GALNT13: variants seen among roughly 807,000 people sequenced by gnomAD.
GALNT13 encodes the protein UDP-GalNAc:polypeptide N-acetylgalactosaminyltransferase 13.
GALNT13 carries 28 observed loss-of-function variants against 64.2 expected under a neutral mutation model. The observed-to-expected ratio is 0.44, with a 90% CI of 0.32 to 0.60. GALNT13 has a LOEUF of 0.60. Ranked by LOEUF, GALNT13 falls within the 20% of genes least tolerant of loss-of-function variation. GALNT13 has a pLI of 0.05. For missense variants in GALNT13, 577 were observed against 669.8 expected (o/e 0.86, Z 1.53); for synonymous variants, 214 against 224.6 (o/e 0.95, Z 0.42).
At chr2:153,409,391 T>C in the GALNT13 span, among the ~76,000 whole-genome samples, 1 of 150,712 alleles carries the variant, frequency 6.6e-6, no homozygotes, top group Non-Finnish European at 1.5e-5. Context: ...TATATATATA[T>C]CTCCTAGTAG....
At chr2:154,172,339 C>A (rs1220107117) in intron 4 of GALNT13, among the ~76,000 whole-genome samples, 5 of 151,872 alleles carry the variant, frequency 3.3e-5, no homozygotes. Flanking sequence ...ATCTACTATA[C>A]ATTATTTTAA....
chr2:153,261,067 C>G, the GALNT13 span, among the ~76,000 whole-genome samples: 27 of 151,898 alleles, frequency 1.8e-4, no homozygotes, highest in African/African-American at 6.3e-4. Context: ...ATTTTTATTT[C>G]TTTGTGAAAT....
chr2:153,094,063 T>G, the GALNT13 span, among the ~76,000 whole-genome samples: 1 of 152,142 alleles, frequency 6.6e-6, no homozygotes, highest in Non-Finnish European at 1.5e-5. Flanking sequence ...TTGGATCATC[T>G]CTCTCTGTTT....
the GALNT13 span, among the ~76,000 whole-genome samples, chr2:153,440,359 AT>A: frequency 1.3e-5 from 2 of 152,116 alleles, no homozygotes; most frequent in East Asian, 1.9e-4. Context: ...ATTGGTGGGC[AT>A]TTGGGTTGGT....
At chr2:153,670,370 C>G in the GALNT13 span, among the ~76,000 whole-genome samples, 5 of 152,308 alleles carry the variant, frequency 3.3e-5, no homozygotes, top group African/African-American at 1.2e-4. Flanking sequence ...GCAATATTAG[C>G]TGTTCTGCAG....
chr2:153,762,433 T>C, the GALNT13 span: 1 of 152,636 alleles, frequency 6.6e-6, no homozygotes, highest in Non-Finnish European at 1.5e-5. Flanking sequence ...TCAGCCCTCT[T>C]ATTTACCTGT....
At chr2:154,194,267 T>C (rs1352304982) in intron 4 of GALNT13, among the ~76,000 whole-genome samples, 1 of 152,208 alleles carries the variant, frequency 6.6e-6, no homozygotes, top group East Asian at 1.9e-4. Flanking sequence ...AATCATATAC[T>C]AACACTGACC....
chr2:153,556,130 G>T, the GALNT13 span, among the ~76,000 whole-genome samples: 6 of 151,976 alleles, frequency 3.9e-5, no homozygotes, highest in East Asian at 1.2e-3. Flanking sequence ...TTCATAGATG[G>T]TGATGCTTGA....
chr2:153,162,234 G>A, the GALNT13 span, among the ~76,000 whole-genome samples: 1 of 151,916 alleles, frequency 6.6e-6, no homozygotes, highest in Non-Finnish European at 1.5e-5. Context: ...CTTGGTACAG[G>A]GTTATTTTTT....
the GALNT13 span, among the ~76,000 whole-genome samples, chr2:153,683,307 G>A: frequency 6.6e-6 from 1 of 151,676 alleles, no homozygotes; most frequent in Admixed American, 6.6e-5. Flanking sequence ...AGTGCTAGAC[G>A]CAGTGCCTAG....
At chr2:153,401,612 G>A in the GALNT13 span, among the ~76,000 whole-genome samples, 1 of 151,204 alleles carries the variant, frequency 6.6e-6, no homozygotes, top group East Asian at 1.9e-4. Context: ...GGGTGCCCCT[G>A]TATTGGGTGC....
chr2:153,981,401 G>A (rs1057047337), intron 3 of GALNT13, among the ~76,000 whole-genome samples: 3 of 151,984 alleles, frequency 2.0e-5, no homozygotes, highest in Admixed American at 6.6e-5. Flanking sequence ...GGTGTGTGAT[G>A]TTCCCCTTCC....
At chr2:153,627,290 A>G in the GALNT13 span, among the ~76,000 whole-genome samples, 1 of 152,086 alleles carries the variant, frequency 6.6e-6, no homozygotes, top group South Asian at 2.1e-4. Flanking sequence ...TGAAAATATT[A>G]AAAATTTCTG....
chr2:153,333,505 T>G, the GALNT13 span, among the ~76,000 whole-genome samples: 1 of 152,144 alleles, frequency 6.6e-6, no homozygotes, highest in African/African-American at 2.4e-5. Context: ...GTTCACAGAG[T>G]TGGTCTTTAT....
In GALNT13 at chr2:154,287,106, A is replaced by G. The variant is rs1692313185; in HGVS notation, c.976-14303A>G. The G allele has an allele frequency of 2.8e-6, 3 of 1,087,848 alleles. No individual in the cohort carries two copies. The East Asian group carries it at 7.1e-5, about 26-fold the overall frequency. 67.4% of individuals were successfully genotyped at this position (1,087,848 alleles called of 1,614,324 possible). A position where few individuals can be genotyped will look rare whatever the true frequency, so the allele number is the denominator to read the frequency against. On this transcript the variant is annotated intron_variant, in intron 8 of 12. Transcript: ENST00000392825. ...CCTTTGGGCAAGCAGCCACCTTTGGATGGCATGTCCTTGACACATCTGACC... is the reference window on the plus strand; with the variant it reads ...CCTTTGGGCAAGCAGCCACCTTTGGGTGGCATGTCCTTGACACATCTGACC...
At chr2:153,476,046 C>T in the GALNT13 span, among the ~76,000 whole-genome samples, 1 of 152,094 alleles carries the variant, frequency 6.6e-6, no homozygotes, top group African/African-American at 2.4e-5. Context: ...GCCCAGATAC[C>T]AAAACAACAA....
chr2:153,710,773 A>G, the GALNT13 span, among the ~76,000 whole-genome samples: 1 of 152,088 alleles, frequency 6.6e-6, no homozygotes, highest in Non-Finnish European at 1.5e-5. Flanking sequence ...ATTGGGAACT[A>G]TTTAACTGAT....
chr2:153,307,448 C>T, the GALNT13 span, among the ~76,000 whole-genome samples: 1 of 151,644 alleles, frequency 6.6e-6, no homozygotes, highest in Non-Finnish European at 1.5e-5. Flanking sequence ...AAATAAATGG[C>T]ATTAAATTTA....
At chr2:153,473,378 T>C in the GALNT13 span, among the ~76,000 whole-genome samples, 2 of 152,156 alleles carry the variant, frequency 1.3e-5, no homozygotes, top group African/African-American at 4.8e-5. Flanking sequence ...AATTAATTTT[T>C]CTGAAAGTTA....
Sources: allele counts gnomAD v4.1 joint callset (sites outside exome capture counted in the v4.1 genomes callset), GRCh38; gene constraint gnomAD v4.1.1; transcripts MANE v1.5; gene names NCBI Gene and HGNC (gene_info 2026-07-23, HGNC 2026-07-21).